Variants in FOXP2 observed in about 807,000 individuals in gnomAD.
FOXP2 encodes the protein forkhead box protein P2.
Under a neutral mutation model 115.8 loss-of-function variants are expected in FOXP2, and 12 were observed. That is an observed-to-expected ratio of 0.10 (90% CI 0.07 to 0.17). The LOEUF is 0.17. Ranked by LOEUF, FOXP2 falls within the 10% of genes least tolerant of loss-of-function variation. FOXP2 has a pLI of 1.00. For synonymous variants in FOXP2, 328 were observed against 297.7 expected (o/e 1.10, Z -1.05); for missense variants, 629 against 843.5 (o/e 0.75, Z 3.15).
chr7:114,461,496 C>A (rs1424404101), intron 2 of FOXP2, among the ~76,000 whole-genome samples: 1 of 151,540 alleles, frequency 6.6e-6, no homozygotes, highest in African/African-American at 2.4e-5. Context: ...GGCTGAATAT[C>A]AAGACTACTG....
intron 6 of FOXP2, among the ~76,000 whole-genome samples, chr7:114,640,196 T>G (rs1480553741): frequency 2.0e-5 from 3 of 152,156 alleles, no homozygotes; most frequent in Admixed American, 6.5e-5. Flanking sequence ...TAATCAAAAT[T>G]TACTGTCAGA....
intron 1 of FOXP2, among the ~76,000 whole-genome samples, chr7:114,418,244 G>A (rs1036822831): frequency 4.6e-5 from 7 of 151,880 alleles, no homozygotes; most frequent in African/African-American, 1.7e-4. Context: ...TTTCTGTGTT[G>A]TCAAGTGTAA....
intron 2 of FOXP2, among the ~76,000 whole-genome samples, chr7:114,430,412 C>G (rs1313554400): frequency 6.6e-6 from 1 of 151,600 alleles, no homozygotes; most frequent in African/African-American, 2.4e-5. Flanking sequence ...ACAATTTATT[C>G]TCATTGATTG....
intron 2 of FOXP2, among the ~76,000 whole-genome samples, chr7:114,524,970 G>A (rs1798792928): frequency 6.6e-6 from 1 of 152,078 alleles, no homozygotes; most frequent in South Asian, 2.1e-4. Context: ...TAAAGTCCTA[G>A]AGGAGATTAA....
intron 3 of FOXP2, among the ~76,000 whole-genome samples, chr7:114,558,803 C>G (rs1800600100): frequency 6.6e-6 from 1 of 152,064 alleles, no homozygotes; most frequent in South Asian, 2.1e-4. Context: ...ATATGAAACT[C>G]ATCACTAATA....
chr7:114,448,104 G>A (rs577035054), intron 2 of FOXP2, among the ~76,000 whole-genome samples: 3 of 152,010 alleles, frequency 2.0e-5, no homozygotes, highest in Non-Finnish European at 4.4e-5. Context: ...ACTTGGAGGG[G>A]GAAATGCCTT....
At chr7:114,337,899 G>A (rs1797898428) in intron 2 of FOXP2, among the ~76,000 whole-genome samples, 1 of 151,092 alleles carries the variant, frequency 6.6e-6, no homozygotes, top group Non-Finnish European at 1.5e-5. Context: ...ACTTTTAATT[G>A]CATTTAAAAT....
intron 6 of FOXP2, among the ~76,000 whole-genome samples, chr7:114,631,964 A>G (rs1804947152): frequency 1.3e-5 from 2 of 152,236 alleles, no homozygotes; most frequent in South Asian, 4.1e-4. Context: ...TGGGCACAAA[A>G]TGATTTATAA....
chr7:114,437,024 G>T (rs1353737478), intron 2 of FOXP2, among the ~76,000 whole-genome samples: 4 of 152,126 alleles, frequency 2.6e-5, no homozygotes, highest in East Asian at 3.9e-4. Context: ...ATAATTAGAA[G>T]AAATAGTTTT....
chr7:114,207,158 C>T (rs1258799446), intron 1 of FOXP2, among the ~76,000 whole-genome samples: 1 of 152,126 alleles, frequency 6.6e-6, no homozygotes, highest in Non-Finnish European at 1.5e-5. Flanking sequence ...TTTTTCTGGC[C>T]AAATAATATT....
At chr7:114,276,373 C>T (rs551144834) in intron 1 of FOXP2, among the ~76,000 whole-genome samples, 2 of 152,160 alleles carry the variant, frequency 1.3e-5, no homozygotes, top group South Asian at 2.1e-4. Flanking sequence ...TCATGTTGGC[C>T]AGGCTGGTCT....
chr7:114,514,043 A>G (rs2894711), intron 2 of FOXP2, among the ~76,000 whole-genome samples: 9,941 of 151,820 alleles, frequency 0.065, 895 homozygotes, highest in East Asian at 0.36. Flanking sequence ...GTATATCTAT[A>G]TATCACTAAC....
At position 114,250,825 on chromosome 7, in the gene FOXP2, G is replaced by T. The variant is rs192618247; in HGVS notation, c.-101-37194G>T. ...AATTAGATCCTATTTGTCAATTTTG[G>T]CTTTTGTTGCCATTGCTTTTGGTGT... On this transcript the variant is annotated intron_variant, in intron 1 of 17. Transcript: ENST00000634411. Among the ~76,000 whole-genome samples, 222 of 152,144 alleles carry T rather than the reference G, an allele frequency of 1.5e-3. 1 individual carries two copies. Among genetic ancestry groups the T allele is most frequent in the African/African-American group, 5.1e-3 (211 of 41,498 alleles).
intron 3 of FOXP2, among the ~76,000 whole-genome samples, chr7:114,613,421 A>G (rs928494741): frequency 1.3e-5 from 2 of 152,092 alleles, no homozygotes; most frequent in Non-Finnish European, 2.9e-5. Flanking sequence ...CTCGCCTGTA[A>G]TCCCAGTACT....
chr7:114,183,492 GC>G (rs1247962351), intron 1 of FOXP2, among the ~76,000 whole-genome samples: 2 of 152,078 alleles, frequency 1.3e-5, no homozygotes, highest in African/African-American at 4.8e-5. Context: ...CTGAAAATAT[GC>G]CAAAGGGTAG....
intron 3 of FOXP2, among the ~76,000 whole-genome samples, chr7:114,562,370 C>A (rs1429341306): frequency 6.6e-5 from 10 of 152,112 alleles, no homozygotes. Flanking sequence ...CAGTTTCTAG[C>A]CTTCACTGTA....
chr7:114,536,818 T>A (rs1799420408), intron 3 of FOXP2, among the ~76,000 whole-genome samples: 1 of 151,398 alleles, frequency 6.6e-6, no homozygotes, highest in South Asian at 2.1e-4. Context: ...AGAAGTTGAG[T>A]TTTATGAATG....
intron 2 of FOXP2, among the ~76,000 whole-genome samples, chr7:114,525,536 A>G (rs1293698596): frequency 6.6e-6 from 1 of 152,320 alleles, no homozygotes; most frequent in Non-Finnish European, 1.5e-5. Context: ...CCTATCAGCT[A>G]TATTTCTCAG....
intron 2 of FOXP2, among the ~76,000 whole-genome samples, chr7:114,530,767 G>T (rs968215156): frequency 1.3e-5 from 2 of 151,896 alleles, no homozygotes; most frequent in Admixed American, 6.6e-5. Flanking sequence ...TACTAGTGAA[G>T]AAGTATGCTT....
Sources: allele counts gnomAD v4.1 joint callset (sites outside exome capture counted in the v4.1 genomes callset), GRCh38; gene constraint gnomAD v4.1.1; transcripts MANE v1.5; gene names NCBI Gene and HGNC (gene_info 2026-07-23, HGNC 2026-07-21).